PKD1L1: variants seen among roughly 807,000 people sequenced by gnomAD.
PKD1L1 encodes polycystin 1 like 1, transient receptor potential channel interacting, also known as polycystin-1-like protein 1.
Under a neutral mutation model 323.4 loss-of-function variants are expected in PKD1L1, and 236 were observed. That is an observed-to-expected ratio of 0.73 (90% CI 0.66 to 0.81). The LOEUF is 0.81. Ranked by LOEUF, PKD1L1 falls within the 40% of genes least tolerant of loss-of-function variation. The pLI is 0.00. For synonymous variants in PKD1L1, 1,344 were observed against 1,335.0 expected, an observed-to-expected ratio of 1.01 and a Z score of -0.15; for missense variants, 3,320 against 3,508.0, an observed-to-expected ratio of 0.95 and a Z score of 1.35.
chr7:47,861,065 G>C (rs1254311862), intron 26 of PKD1L1, among the ~76,000 whole-genome samples: 1 of 152,230 alleles, frequency 6.6e-6, no homozygotes, highest in African/African-American at 2.4e-5. Flanking sequence ...TGGGGCACAA[G>C]ATGGACGGGG....
intron 55 of PKD1L1, 141 bp from the exon 56 acceptor site, chr7:47,792,938 A>C (rs1416592185): frequency 5.3e-6 from 4 of 752,000 alleles, no homozygotes; most frequent in Non-Finnish European, 8.4e-6. Flanking sequence ...GCCTGCAGTT[A>C]GAAGACCTGG....
intron 52 of PKD1L1, among the ~76,000 whole-genome samples, chr7:47,804,489 T>TGA (rs779063052): frequency 0.21 from 29,933 of 140,638 alleles, 3,735 homozygotes; most frequent in South Asian, 0.31. Context: ...TTTTTTTTTT[T>TGA]GAGAGAGAGT....
chr7:47,835,231 C>A lies in PKD1L1; in HGVS notation c.5956G>T (p.Val1986Phe), dbSNP rs749435532. The A allele has an allele frequency of 1.3e-6, 2 of 1,587,082 alleles. No homozygotes were observed. The highest frequency in any genetic ancestry group is 1.7e-6 in the Non-Finnish European group (2 of 1,173,030). ...CTGAAGGATCCAAGGGTGGGGCTGA[C>A]GTCCAAGTGGGGCTGCAACAAAGCA... The part of the protein sequence containing the change: ...AGGQEQPHLD[V>F]SPTLGSFRVG... The change falls in exon 38 of 57, where the codon GTC (valine) becomes TTC (phenylalanine). Residue 1986 changes from valine (V) to phenylalanine (F), a missense_variant. Val to Phe is a conservative substitution (Grantham distance 50). Coordinates refer to ENST00000289672, the MANE Select transcript of PKD1L1 (RefSeq NM_138295.5).
intron 55 of PKD1L1, among the ~76,000 whole-genome samples, chr7:47,794,241 C>T (rs1787020847): frequency 6.6e-6 from 1 of 152,170 alleles, no homozygotes; most frequent in Non-Finnish European, 1.5e-5. Flanking sequence ...TGTCAGAGAC[C>T]TTCACAGCAG....
chr7:47,921,238 C>CAAAAAAAAAAAAAAAAAAAAAAAAAAA (rs139205889), intron 7 of PKD1L1, among the ~76,000 whole-genome samples: 1 of 79,594 alleles, frequency 1.3e-5, no homozygotes, highest in African/African-American at 5.2e-5. Context: ...AGACAATTCT[C>CAAAAAAAAAAAAAAAAAAAAAAAAAAA]AAAAAAAAAA....
At chr7:47,848,051 A>G (rs911276530) in intron 31 of PKD1L1, among the ~76,000 whole-genome samples, 1 of 152,224 alleles carries the variant, frequency 6.6e-6, no homozygotes, top group Non-Finnish European at 1.5e-5. Flanking sequence ...TAAAATGAAC[A>G]TTTCTCAATT....
intron 1 of PKD1L1, among the ~76,000 whole-genome samples, chr7:47,947,441 C>A (rs568746448): frequency 1.3e-5 from 2 of 152,364 alleles, no homozygotes; most frequent in East Asian, 3.9e-4. Context: ...GCAAGATCTG[C>A]AGGCACAGGC....
rs1786720750 is a variant in PKD1L1, at chr7:47,888,005, T to C, written c.2821A>G (p.Lys941Glu). 3 of 1,613,278 alleles carry C rather than the reference T, an allele frequency of 1.9e-6. No homozygotes were observed. In the South Asian group the frequency reaches 3.3e-5, roughly 18 times the overall value. ...WDLFLVNATE[K>E]NRIEVPFCRV... ...TCCTTTTTACCTTCTATCCTATTCT[T>C]TTCTGTTGCATTGACTAAAAAGAGA... is the stretch of plus-strand genomic sequence containing the variant. Residue 941 changes from lysine to glutamate, a missense_variant, in exon 17 of 57, where the codon AAG becomes GAG. Lys to Glu is a moderately conservative substitution (Grantham distance 56, BLOSUM62 1). Coordinates refer to ENST00000289672, the MANE Select transcript of PKD1L1 (RefSeq NM_138295.5).
Position 47,825,238 on chromosome 7 carries a change from T to A in PKD1L1, c.6854+2112A>T, listed in dbSNP as rs143997445. On this transcript the variant is annotated intron_variant, in intron 45 of 56. Transcript: ENST00000289672. Reference sequence around the variant, plus strand: ...CTTTTTTTTTGTTTTAAAGAGTTGCTGGTCCTTTAGGCCAGGTGTGGTGGC... The same window carrying A: ...CTTTTTTTTTGTTTTAAAGAGTTGCAGGTCCTTTAGGCCAGGTGTGGTGGC... Among the ~76,000 whole-genome samples the A allele has an allele frequency of 3.3e-3, 497 of 152,284 alleles. 3 individuals are homozygous for A. Among genetic ancestry groups the A allele is most frequent in the African/African-American group, 0.011 (459 of 41,570 alleles).
intron 56 of PKD1L1, among the ~76,000 whole-genome samples, chr7:47,791,938 T>C (rs891386089): frequency 1.3e-5 from 2 of 152,174 alleles, no homozygotes; most frequent in African/African-American, 2.4e-5. Flanking sequence ...GTGTGTCTAT[T>C]GGTGTTGATT....
intron 46 of PKD1L1, 134 bp from the exon 47 acceptor site, chr7:47,815,591 C>G (rs557838345): frequency 2.9e-6 from 3 of 1,034,140 alleles, no homozygotes; most frequent in South Asian, 3.2e-5. Flanking sequence ...TAAACTCAAG[C>G]TGCTTGCAGC....
chr7:47,815,035 T>C (rs762032058), intron 47 of PKD1L1, among the ~76,000 whole-genome samples: 1 of 152,180 alleles, frequency 6.6e-6, no homozygotes, highest in African/African-American at 2.4e-5. Context: ...TCCCACCCCA[T>C]CAGCCTGAGG....
Position 47,774,638 on chromosome 7 carries a change from T to C in PKD1L1, c.*505A>G, listed in dbSNP as rs962742461. 14 of 152,368 alleles carry C rather than the reference T, an allele frequency of 9.2e-5. No homozygotes were observed. Among genetic ancestry groups the C allele is most frequent in the African/African-American group, 2.9e-4 (12 of 41,464 alleles). 9.4% of individuals were successfully genotyped at this position (152,368 alleles called of 1,614,324 possible). A position where few individuals can be genotyped will look rare whatever the true frequency, so the allele number is the denominator to read the frequency against. ...GTTCAGTTTGAATAACCATTTTATA[T>C]TGAATTAGTAAATCAGGAAAGATGC... On this transcript the variant is annotated 3_prime_UTR_variant, in exon 57 of 57. Coordinates refer to ENST00000289672, the MANE Select transcript of PKD1L1 (RefSeq NM_138295.5).
chr7:47,877,203 C>T (rs1328105814), intron 22 of PKD1L1, among the ~76,000 whole-genome samples: 1 of 152,080 alleles, frequency 6.6e-6, no homozygotes, highest in Non-Finnish European at 1.5e-5. Flanking sequence ...TAACGGAGGC[C>T]CCTGTTCTAA....
chr7:47,864,182 T>A (rs190810652), intron 26 of PKD1L1, among the ~76,000 whole-genome samples: 7 of 152,090 alleles, frequency 4.6e-5, no homozygotes, highest in African/African-American at 9.6e-5. Context: ...CACCCGTCAC[T>A]CAGATTGAGA....
In PKD1L1 at chr7:47,845,961, T is replaced by A. The variant is rs555429934; in HGVS notation, c.5154-883A>T. On this transcript the variant is annotated intron_variant, in intron 32 of 56. Transcript: ENST00000289672. ...ACGTAATGGAGAATGAATGATTGCATTAATGCATTTATCAATAATTTAATA... is the reference window on the plus strand; with the variant it reads ...ACGTAATGGAGAATGAATGATTGCAATAATGCATTTATCAATAATTTAATA... Among the ~76,000 whole-genome samples the A allele has an allele frequency of 6.6e-5, 10 of 152,368 alleles. No homozygotes were observed. In the South Asian group the frequency reaches 2.1e-3, roughly 32 times the overall value.
chr7:47,959,838 T>C, the PKD1L1 span, among the ~76,000 whole-genome samples: 1 of 150,858 alleles, frequency 6.6e-6, no homozygotes, highest in Non-Finnish European at 1.5e-5. Flanking sequence ...GAGGAGCCCC[T>C]CTGCCCAGCC....
chr7:47,849,164 G>T (rs754134917), intron 31 of PKD1L1, among the ~76,000 whole-genome samples: 4 of 152,152 alleles, frequency 2.6e-5, no homozygotes, highest in Non-Finnish European at 5.9e-5. Flanking sequence ...AATAAAACTG[G>T]ATCCTCATCT....
intron 52 of PKD1L1, among the ~76,000 whole-genome samples, chr7:47,804,523 G>C (rs546515318): frequency 1.4e-5 from 2 of 142,984 alleles, no homozygotes; most frequent in African/African-American, 2.6e-5. Flanking sequence ...CCAGGCTTGA[G>C]TGGCAGGATC....
Sources: allele counts gnomAD v4.1 joint callset (sites outside exome capture counted in the v4.1 genomes callset), GRCh38; gene constraint gnomAD v4.1.1; transcripts MANE v1.5; gene names NCBI Gene and HGNC (gene_info 2026-07-23, HGNC 2026-07-21).